The following DYNC1LI1 variants were observed in gnomAD, a reference collection of about 807,000 sequenced individuals.
DYNC1LI1 encodes the protein dynein cytoplasmic 1 light intermediate chain 1, also known as cytoplasmic dynein 1 light intermediate chain 1.
Under a neutral mutation model 63.8 loss-of-function variants are expected in DYNC1LI1, and 19 were observed. The ratio of observed to expected loss-of-function variants is 0.30; its 90% CI spans 0.21 to 0.44. The LOEUF (loss-of-function observed/expected upper bound fraction) is 0.44. Ranked by LOEUF, DYNC1LI1 falls within the 20% of genes least tolerant of loss-of-function variation. DYNC1LI1 has a pLI of 1.00. For synonymous variants in DYNC1LI1, 225 were observed against 232.3 expected (o/e 0.97, Z 0.28); for missense variants, 565 against 630.2 (o/e 0.90, Z 1.11).
In DYNC1LI1 at chr3:32,570,391, G is replaced by C. The variant is rs760319030; in HGVS notation, c.175C>G (p.Arg59Gly). The C allele has an allele frequency of 1.9e-6, 3 of 1,606,664 alleles. No individual in the cohort carries two copies. In the Admixed American group the frequency reaches 5.0e-5, roughly 27 times the overall value. The change falls in exon 2 of 13, where the codon CGC becomes GGC. Residue 59 changes from arginine to glycine, a missense_variant. Physicochemically the swap from Arg to Gly is moderately radical, Grantham distance 125 (BLOSUM62 -2). Transcript: ENST00000273130. ...WSCILSEVST[R>G]SRSKLPAGKN... ...CCCGCAGGGAGCTTGGAGCGCGAGC[G>C]GGTGGAGACCTCGCTGAGGATGCAG...
intron 5 of DYNC1LI1, among the ~76,000 whole-genome samples, chr3:32,537,937 AAT>A (rs1553617874): frequency 1.5e-3 from 21 of 13,884 alleles, no homozygotes; most frequent in South Asian, 4.4e-3. Context: ...ATATATATAT[AAT>A]ATATATATAA....
intron 5 of DYNC1LI1, among the ~76,000 whole-genome samples, chr3:32,539,184 G>T (rs563918036): frequency 6.6e-6 from 1 of 152,262 alleles, no homozygotes; most frequent in African/African-American, 2.4e-5. Flanking sequence ...GTGTTTTACA[G>T]AAAAGGTGTA....
At chr3:32,559,860 T>C (rs370080517) in intron 2 of DYNC1LI1, among the ~76,000 whole-genome samples, 1 of 152,184 alleles carries the variant, frequency 6.6e-6, no homozygotes, top group African/African-American at 2.4e-5. Context: ...ACAAGAGCCA[T>C]GAGGGGTCTT....
intron 4 of DYNC1LI1, among the ~76,000 whole-genome samples, chr3:32,544,268 T>C (rs371243315): frequency 6.6e-6 from 1 of 152,090 alleles, no homozygotes; most frequent in South Asian, 2.1e-4. Flanking sequence ...GTCAGTAAGA[T>C]TACGAATTAA....
chr3:32,529,723 T>C (rs1697669839), intron 10 of DYNC1LI1, 63 bp from the exon 11 acceptor site: 1 of 1,426,332 alleles, frequency 7.0e-7, no homozygotes, highest in Admixed American at 2.3e-5. Context: ...CAAAAGTTAT[T>C]ATTGTAAAAA....
intron 12 of DYNC1LI1, 80 bp downstream of exon 12, chr3:32,528,366 T>C (rs1292094271): frequency 9.9e-6 from 15 of 1,512,304 alleles, no homozygotes; most frequent in South Asian, 2.3e-5. Flanking sequence ...CACAGAATTA[T>C]ACACTTTACA....
At chr3:32,545,509 G>C (rs1276357742) in intron 3 of DYNC1LI1, 6 of 331,164 alleles carry the variant, frequency 1.8e-5, no homozygotes, top group Non-Finnish European at 3.3e-5. Flanking sequence ...AGATAAAAAA[G>C]CTGAGTAGAT....
intron 2 of DYNC1LI1, among the ~76,000 whole-genome samples, chr3:32,552,427 T>C (rs1285160153): frequency 1.3e-5 from 2 of 152,142 alleles, no homozygotes; most frequent in African/African-American, 4.8e-5. Flanking sequence ...TCCCAAGCAC[T>C]GGGATTACAA....
intron 6 of DYNC1LI1, among the ~76,000 whole-genome samples, chr3:32,536,215 C>A (rs1056961806): frequency 2.6e-5 from 4 of 152,126 alleles, no homozygotes; most frequent in African/African-American, 9.7e-5. Context: ...TTTGTAGACA[C>A]CATAAACGTG....
At chr3:32,549,366 T>A (rs540022166) in intron 2 of DYNC1LI1, among the ~76,000 whole-genome samples, 1 of 151,752 alleles carries the variant, frequency 6.6e-6, no homozygotes, top group Non-Finnish European at 1.5e-5. Flanking sequence ...TGTGAAGAGA[T>A]CTATGAATAT....
chr3:32,539,859 G>T (rs911776458), intron 5 of DYNC1LI1, among the ~76,000 whole-genome samples: 6 of 147,404 alleles, frequency 4.1e-5, no homozygotes, highest in Non-Finnish European at 7.5e-5. Context: ...TTTTATTTAT[G>T]TATTTATTTA....
rs749152478 is a variant in DYNC1LI1, at chr3:32,570,645, G to C, written c.126C>G (p.Asp42Glu). 2 of 1,591,052 alleles carry C rather than the reference G, an allele frequency of 1.3e-6. No homozygotes were observed. The highest frequency in any genetic ancestry group is 1.7e-6 in the Non-Finnish European group (2 of 1,169,446). Residue 42 changes from aspartate to glutamate, a missense_variant, in exon 1 of 13, where the codon GAC becomes GAG. Asp to Glu is a conservative substitution (Grantham distance 45). Transcript: ENST00000273130. ...GTTACCAAAGGTTCTGCCCGTCCTC[G>C]TCGTCGCCTGCCGCGGCGCCACCGT... ...SGNGGAAAGD[D>E]EDGQNLWSCI...
chr3:32,534,538 A>G lies in DYNC1LI1; in HGVS notation c.941T>C (p.Val314Ala), dbSNP rs775851300. The change falls in exon 7 of 13, where the codon GTT (valine) becomes GCT (alanine). Residue 314 changes from valine to alanine, a missense_variant. Physicochemically the swap from Val to Ala is moderately conservative, Grantham distance 64. Transcript: ENST00000273130. The stretch of plus-strand genomic sequence containing the variant: ...AAATACTGCATCCTTTTCCACAACA[A>G]CAGCAGGAATCTTATAGGGAAATCC... ...LYGFPYKIPA[V>A]VVEKDAVFIP... The G allele has an allele frequency of 3.0e-5, 47 of 1,592,648 alleles. 1 individual carries two copies. In the South Asian group the frequency reaches 4.2e-4, roughly 14 times the overall value.
intron 2 of DYNC1LI1, among the ~76,000 whole-genome samples, chr3:32,562,722 G>A (rs544256519): frequency 6.6e-6 from 1 of 152,110 alleles, no homozygotes; most frequent in Non-Finnish European, 1.5e-5. Flanking sequence ...ATTTTGAGAG[G>A]AAAGTGTTTT....
chr3:32,541,424 C>T lies in DYNC1LI1; in HGVS notation c.569-218G>A, dbSNP rs546867695. Among the ~76,000 whole-genome samples, 5 of 152,260 alleles carry T rather than the reference C, an allele frequency of 3.3e-5. No homozygotes were observed. In the South Asian group the frequency reaches 1.0e-3, roughly 32 times the overall value. ...AATATTACTACTGCAGGGGATGGCT[C>T]TACAAAGTAGGGTTCTATCTAGACC... On this transcript the variant is annotated intron_variant, in intron 4 of 12. Coordinates refer to ENST00000273130, the MANE Select transcript of DYNC1LI1 (RefSeq NM_016141.4).
chr3:32,530,484 G>A lies in DYNC1LI1; in HGVS notation c.1117C>T (p.Gln373Ter), dbSNP rs1480176971. The change falls in exon 9 of 13, where the codon CAG becomes TAG. Residue 373 changes from glutamine to a stop codon, truncating the protein, a stop_gained. Coordinates refer to ENST00000273130, the MANE Select transcript of DYNC1LI1 (RefSeq NM_016141.4). LOFTEE classifies it high-confidence loss of function. ...ACCTGTAGCTTCATAAGAAACACCT[G>A]ATCATCTTCTGCCATAATTTCCTTC... The part of the protein sequence containing the change: ...HEKEIMAEDD[Q>*]VFLMKLQSLL... 2 of 1,613,170 alleles carry A rather than the reference G, an allele frequency of 1.2e-6. No homozygotes were observed.
chr3:32,532,756 T>G (rs6796759), intron 8 of DYNC1LI1: 38,901 of 602,856 alleles, frequency 0.065, 1,413 homozygotes, highest in South Asian at 0.082. Context: ...TAACAATTGC[T>G]AATATAAATA....
At chr3:32,556,734 G>T (rs1357257306) in intron 2 of DYNC1LI1, among the ~76,000 whole-genome samples, 1 of 152,040 alleles carries the variant, frequency 6.6e-6, no homozygotes, top group African/African-American at 2.4e-5. Flanking sequence ...TAGAGATGGG[G>T]TCTCCCTATG....
rs368806589 is a variant in DYNC1LI1, at chr3:32,529,604, T to C, written c.1242A>G (p.Ser414=). ...TGGGTGACACGCTGGCAACATTAGA[T>C]GATACAGATCTATTTGGTGTTCGTG... ...GSPRTPNRSV[S]SNVASVSPIP... is the part of the protein sequence containing the mutation. Residue 414 remains serine, a synonymous_variant, in exon 11 of 13, where the codon TCA becomes TCG. Coordinates refer to ENST00000273130, the MANE Select transcript of DYNC1LI1 (RefSeq NM_016141.4). 7.0e-5 allele frequency: 113 copies of C among 1,610,828 alleles called. No homozygotes were observed. The African/African-American group carries it at 1.4e-3, about 19-fold the overall frequency.
Sources: allele counts gnomAD v4.1 joint callset (sites outside exome capture counted in the v4.1 genomes callset), GRCh38; gene constraint gnomAD v4.1.1; transcripts MANE v1.5; gene names NCBI Gene and HGNC (gene_info 2026-07-23, HGNC 2026-07-21).